Variants in LRBA observed in about 807,000 individuals in gnomAD.
LRBA encodes lipopolysaccharide-responsive and beige-like anchor protein.
In LRBA, 176 loss-of-function variants were observed where a neutral mutation model predicts 330.0. That is an observed-to-expected ratio of 0.53 (90% confidence interval 0.47 to 0.60). LRBA has a LOEUF of 0.60. Among genes scored for constraint, LRBA ranks in the 20% least tolerant of loss-of-function variants. The pLI is 0.00. For missense variants in LRBA, 3,259 were observed against 3,444.8 expected, an observed-to-expected ratio of 0.95 and a Z score of 1.35; for synonymous variants, 1,230 against 1,193.0, an observed-to-expected ratio of 1.03 and a Z score of -0.64.
At chr4:150,662,956 C>G (rs1561489500) in intron 37 of LRBA, among the ~76,000 whole-genome samples, 1 of 151,854 alleles carries the variant, frequency 6.6e-6, no homozygotes, top group East Asian at 1.9e-4. Context: ...GACCCTATCT[C>G]TTAAAACAAA....
intron 37 of LRBA, among the ~76,000 whole-genome samples, chr4:150,607,575 T>A (rs1390389209): frequency 6.6e-6 from 1 of 151,242 alleles, no homozygotes. Flanking sequence ...AACACTGGAA[T>A]TGAAAGAGAA....
chr4:150,269,378 C>T (rs757305992), intron 56 of LRBA, among the ~76,000 whole-genome samples: 7 of 152,110 alleles, frequency 4.6e-5, no homozygotes, highest in South Asian at 2.1e-4. Context: ...GACCTTTCAA[C>T]GGAGAAAGCA....
chr4:150,983,057 G>A (rs765275639), intron 2 of LRBA, among the ~76,000 whole-genome samples: 9 of 152,010 alleles, frequency 5.9e-5, no homozygotes, highest in Non-Finnish European at 8.8e-5. Flanking sequence ...TCCAGCCTGG[G>A]CAACAGAGCA....
chr4:150,844,112 A>G lies in LRBA; in HGVS notation c.4557T>C (p.Val1519=). The G allele has an allele frequency of 6.2e-7, 1 of 1,605,488 alleles. No homozygotes were observed. The stretch of plus-strand genomic sequence containing the variant: ...TATTGTAACTTACTATGTCTCTGAA[A>G]ACAACTGCCCTAAGCCGATTAATAT... ...DMDINRLRAV[V]FRDIEDSKQA... Residue 1519 remains valine, a synonymous_variant, in exon 28 of 57, where the codon GTT becomes GTC. Coordinates refer to ENST00000651943, the MANE Select transcript of LRBA (RefSeq NM_001364905.1).
rs796748060 is a variant in LRBA, at chr4:150,507,863, G to A, written c.6331-16828C>T. ...CAACGACAGACTGGGTTAAGAAAAC[G>A]TGGCACATACACACCATGGAATACT... On this transcript the variant is annotated intron_variant, in intron 40 of 56. Transcript: ENST00000651943. 7.9e-5 allele frequency among the ~76,000 whole-genome samples: 12 copies of A among 152,120 alleles called. No homozygotes were observed. In the South Asian group the frequency reaches 2.1e-3, roughly 26 times the overall value.
intron 42 of LRBA, among the ~76,000 whole-genome samples, chr4:150,480,414 C>A (rs1038155964): frequency 5.9e-5 from 9 of 151,994 alleles, no homozygotes; most frequent in African/African-American, 2.2e-4. Context: ...AATATAGTTA[C>A]AAAATCCTTA....
At chr4:150,354,016 G>C (rs1737506040) in intron 47 of LRBA, among the ~76,000 whole-genome samples, 1 of 152,028 alleles carries the variant, frequency 6.6e-6, no homozygotes, top group South Asian at 2.1e-4. Flanking sequence ...ACATCCTTTT[G>C]CTATCAGTGA....
chr4:150,434,972 A>G (rs1018059510), intron 46 of LRBA, among the ~76,000 whole-genome samples: 8 of 147,956 alleles, frequency 5.4e-5, no homozygotes, highest in Admixed American at 6.8e-5. Context: ...AGAAAGGGAA[A>G]ATAAAAAAAA....
At chr4:150,665,043 A>G (rs766538286) in intron 37 of LRBA, among the ~76,000 whole-genome samples, 42 of 152,140 alleles carry the variant, frequency 2.8e-4, no homozygotes, top group Non-Finnish European at 7.4e-5. Context: ...TACAAACAAA[A>G]TCAACAAAGG....
intron 2 of LRBA, among the ~76,000 whole-genome samples, chr4:150,936,712 T>C (rs1194701667): frequency 6.6e-6 from 1 of 152,094 alleles, no homozygotes; most frequent in African/African-American, 2.4e-5. Context: ...CAGTATTTTC[T>C]AGAAGACAGA....
At chr4:150,885,750 A>T (rs1728882883) in intron 17 of LRBA, among the ~76,000 whole-genome samples, 1 of 152,220 alleles carries the variant, frequency 6.6e-6, no homozygotes, top group African/African-American at 2.4e-5. Flanking sequence ...AATGCAATTC[A>T]TTGCTGTCAT....
intron 40 of LRBA, among the ~76,000 whole-genome samples, chr4:150,527,522 G>T (rs1049716259): frequency 2.0e-5 from 3 of 152,092 alleles, no homozygotes; most frequent in African/African-American, 4.8e-5. Flanking sequence ...AGAAAAGGAA[G>T]AATGAGATCT....
chr4:150,994,981 G>A (rs1373945313), intron 2 of LRBA, among the ~76,000 whole-genome samples: 1 of 152,130 alleles, frequency 6.6e-6, no homozygotes, highest in Non-Finnish European at 1.5e-5. Flanking sequence ...GGACATAAAG[G>A]TTGGGGCCTA....
At chr4:150,539,030 CA>C (rs2152219387) in intron 40 of LRBA, among the ~76,000 whole-genome samples, 1 of 151,882 alleles carries the variant, frequency 6.6e-6, no homozygotes, top group East Asian at 1.9e-4. Flanking sequence ...GGCTGGAGTG[CA>C]GTGGCATGAT....
chr4:150,551,774 A>C (rs1047300788), intron 40 of LRBA, among the ~76,000 whole-genome samples: 10 of 152,202 alleles, frequency 6.6e-5, no homozygotes, highest in Non-Finnish European at 1.0e-4. Context: ...AATGAAAATG[A>C]CTGTTAAGTC....
chr4:150,685,420 A>ATATATATATATATACT lies in LRBA; in HGVS notation c.5755-1704_5755-1703insAGTATATATATATATA, dbSNP rs1561514146. 1.1e-4 allele frequency among the ~76,000 whole-genome samples: 2 copies of ATATATATATATATACT among 17,436 alleles called. 1 individual carries two copies. Among genetic ancestry groups the ATATATATATATATACT allele is most frequent in the African/African-American group, 4.7e-4 (2 of 4,212 alleles). 11.4% of individuals were successfully genotyped at this position (17,436 alleles called of 152,430 possible). The stretch of plus-strand genomic sequence containing the variant: ...TATATATATATATATATATATATAT[A>ATATATATATATATACT]TTTTTTTTTTTTTTTTTTTTTTTTT... On this transcript the variant is annotated intron_variant, in intron 36 of 56. Transcript: ENST00000651943.
At chr4:150,271,842 A>C (rs971878689) in intron 56 of LRBA, among the ~76,000 whole-genome samples, 3 of 152,162 alleles carry the variant, frequency 2.0e-5, no homozygotes, top group Non-Finnish European at 4.4e-5. Context: ...TCTCTGAAAA[A>C]AAAGGCAGCA....
At chr4:150,339,602 A>G (rs899774579) in intron 48 of LRBA, among the ~76,000 whole-genome samples, 4 of 152,162 alleles carry the variant, frequency 2.6e-5, no homozygotes, top group Non-Finnish European at 5.9e-5. Context: ...GATCTCATTA[A>G]CCAAAGATAA....
At chr4:150,960,460 A>C (rs566743059) in intron 2 of LRBA, among the ~76,000 whole-genome samples, 1 of 149,404 alleles carries the variant, frequency 6.7e-6, no homozygotes, top group South Asian at 2.1e-4. Flanking sequence ...AGGTTTTTTT[A>C]ACAGATAGAA....
Sources: allele counts gnomAD v4.1 joint callset (sites outside exome capture counted in the v4.1 genomes callset), GRCh38; gene constraint gnomAD v4.1.1; transcripts MANE v1.5; gene names NCBI Gene and HGNC (gene_info 2026-07-23, HGNC 2026-07-21).